ADARB2: variants seen among roughly 807,000 people sequenced by gnomAD.
ADARB2 encodes adenosine deaminase RNA specific B2 (inactive).
In ADARB2, 25 loss-of-function variants were observed where a neutral mutation model predicts 62.2. The ratio of observed to expected loss-of-function variants is 0.40; its 90% CI spans 0.29 to 0.56. The LOEUF is 0.56. ADARB2 is among the 20% of genes least tolerant of loss of function. The probability of loss-of-function intolerance (pLI) is 0.43; values close to 1 mark genes in which losing one functional copy is unlikely to be tolerated. For missense variants in ADARB2, 1,071 were observed against 1,077.4 expected, an observed-to-expected ratio of 0.99 and a Z score of 0.08; for synonymous variants, 572 against 500.8, an observed-to-expected ratio of 1.14 and a Z score of -1.90.
chr10:1,554,286 G>T (rs1397325809), intron 1 of ADARB2, among the ~76,000 whole-genome samples: 2 of 152,122 alleles, frequency 1.3e-5, no homozygotes, highest in Admixed American at 6.6e-5. Flanking sequence ...GGCTGTTTTC[G>T]TGGGGCTCCC....
At chr10:1,673,873 G>A (rs778625143) in intron 1 of ADARB2, among the ~76,000 whole-genome samples, 16 of 152,214 alleles carry the variant, frequency 1.1e-4, no homozygotes, top group South Asian at 2.1e-4. Context: ...GCCGGTTACC[G>A]ACTTCTCCCT....
intron 1 of ADARB2, among the ~76,000 whole-genome samples, chr10:1,533,468 G>A (rs1375878502): frequency 6.6e-6 from 1 of 151,944 alleles, no homozygotes; most frequent in Middle Eastern, 3.2e-3. Context: ...AATCCTGAGA[G>A]GTGTGACCCT....
At chr10:1,452,675 C>T (rs988771569) in intron 1 of ADARB2, among the ~76,000 whole-genome samples, 8 of 151,638 alleles carry the variant, frequency 5.3e-5, no homozygotes, top group South Asian at 2.1e-4. Context: ...AGGGGAGGGA[C>T]AGCACTAGGA....
intron 1 of ADARB2, among the ~76,000 whole-genome samples, chr10:1,514,178 A>AATATATATATATAT (rs61671460): frequency 0.1 from 9,619 of 93,942 alleles, 1,537 homozygotes; most frequent in East Asian, 0.33. Flanking sequence ...GCTGTCTCAA[A>AATATATATATATAT]ATATATATAT....
rs551227462 is a variant in ADARB2 at position 1,307,972 on chromosome 10, C to T, written c.1078-36903G>A. On this transcript the variant is annotated intron_variant, in intron 3 of 9. Coordinates refer to ENST00000381312, the MANE Select transcript of ADARB2 (RefSeq NM_018702.4). Reference sequence around the variant, plus strand: ...GGAGGGATAGCATTGGGAGATATACCTAATGCTAGATGACAAGTTAGTGGG... The same window carrying T: ...GGAGGGATAGCATTGGGAGATATACTTAATGCTAGATGACAAGTTAGTGGG... Among the ~76,000 whole-genome samples, 83 of 145,822 alleles carry T rather than the reference C, an allele frequency of 5.7e-4. 1 individual carries two copies. The East Asian group carries it at 6.3e-3, about 11-fold the overall frequency.
intron 2 of ADARB2, among the ~76,000 whole-genome samples, chr10:1,369,037 C>G (rs1832341540): frequency 6.6e-6 from 1 of 151,986 alleles, no homozygotes; most frequent in South Asian, 2.1e-4. Flanking sequence ...AGGTGCCGCC[C>G]CTGGCGGCCT....
At chr10:1,229,733 CTTGT>C (rs772189150) in intron 6 of ADARB2, among the ~76,000 whole-genome samples, 16 of 21,220 alleles carry the variant, frequency 7.5e-4, no homozygotes, top group South Asian at 3.8e-3. Context: ...TGCACTTGTG[CTTGT>C]TTGTATGTGC....
chr10:1,455,576 C>T (rs2131904529), intron 1 of ADARB2, among the ~76,000 whole-genome samples: 1 of 152,260 alleles, frequency 6.6e-6, no homozygotes, highest in African/African-American at 2.4e-5. Flanking sequence ...CTGTTTCTTT[C>T]TCTAAAAAAG....
At chr10:1,285,890 A>G (rs1175952254) in intron 3 of ADARB2, among the ~76,000 whole-genome samples, 1 of 152,362 alleles carries the variant, frequency 6.6e-6, no homozygotes, top group South Asian at 2.1e-4. Flanking sequence ...TAAAATCCAT[A>G]GATTATAAAG....
chr10:1,326,788 C>T (rs1831853501), intron 3 of ADARB2, among the ~76,000 whole-genome samples: 1 of 76,508 alleles, frequency 1.3e-5, no homozygotes, highest in African/African-American at 3.7e-5. Context: ...CTCCTCACTG[C>T]CCAGCGCCTC....
At chr10:1,706,509 T>C (rs1432259110) in intron 1 of ADARB2, among the ~76,000 whole-genome samples, 1 of 152,222 alleles carries the variant, frequency 6.6e-6, no homozygotes, top group Non-Finnish European at 1.5e-5. Context: ...GCTGCAGTGA[T>C]TTCTTCTTCT....
At chr10:1,254,568 GA>G in intron 4 of ADARB2, among the ~76,000 whole-genome samples, 1 of 152,340 alleles carries the variant, frequency 6.6e-6, no homozygotes, top group East Asian at 1.9e-4. Context: ...TGAGGTTCCT[GA>G]AAATCTGTTT....
intron 4 of ADARB2, among the ~76,000 whole-genome samples, chr10:1,252,679 TCTG>T (rs1027920644): frequency 3.3e-5 from 5 of 152,190 alleles, no homozygotes; most frequent in Admixed American, 1.3e-4. Flanking sequence ...TTTTAAATCT[TCTG>T]GTGTTTCTGC....
At chr10:1,439,609 C>T (rs1470212055) in intron 1 of ADARB2, among the ~76,000 whole-genome samples, 2 of 113,396 alleles carry the variant, frequency 1.8e-5, no homozygotes, top group Non-Finnish European at 4.2e-5. Flanking sequence ...GAGGCAGGCC[C>T]TTCATGATGG....
At chr10:1,562,092 G>C (rs1413787273) in intron 1 of ADARB2, among the ~76,000 whole-genome samples, 1 of 152,118 alleles carries the variant, frequency 6.6e-6, no homozygotes, top group East Asian at 1.9e-4. Context: ...GGTTCTCAGG[G>C]GCCCCCGCCA....
intron 3 of ADARB2, among the ~76,000 whole-genome samples, chr10:1,305,643 A>G (rs1434567839): frequency 1.3e-5 from 2 of 151,690 alleles, no homozygotes; most frequent in South Asian, 2.1e-4. Flanking sequence ...CATTGATGCA[A>G]AAATCCTCAA....
At chr10:1,506,431 A>G (rs190747380) in intron 1 of ADARB2, among the ~76,000 whole-genome samples, 1 of 152,310 alleles carries the variant, frequency 6.6e-6, no homozygotes, top group Non-Finnish European at 1.5e-5. Context: ...CGGTATTTGC[A>G]TATTTGAGGC....
intron 1 of ADARB2, among the ~76,000 whole-genome samples, chr10:1,731,718 G>A (rs1317028677): frequency 6.6e-6 from 1 of 152,132 alleles, no homozygotes; most frequent in African/African-American, 2.4e-5. Flanking sequence ...TTAACAACAC[G>A]AATCAGGTTC....
intron 3 of ADARB2, among the ~76,000 whole-genome samples, chr10:1,317,984 C>T (rs961639036): frequency 3.9e-5 from 6 of 152,216 alleles, no homozygotes; most frequent in Non-Finnish European, 8.8e-5. Context: ...CAGGTAACTG[C>T]TGGACCCTGA....
Sources: gnomAD v4.1 joint callset for allele counts (sites outside exome capture counted in the v4.1 genomes callset) on GRCh38, gnomAD v4.1.1 for gene constraint, MANE v1.5 for transcripts, NCBI Gene and HGNC (gene_info 2026-07-23, HGNC 2026-07-21) for gene names.